The following UBE3A variants were observed in gnomAD, a reference collection of about 807,000 sequenced individuals.
The protein encoded by UBE3A is ubiquitin protein ligase E3A, also known as ubiquitin-protein ligase E3A.
A neutral mutation model predicts 83.4 loss-of-function variants in UBE3A; 6 were observed. That is an observed-to-expected ratio of 0.07 (90% CI 0.04 to 0.14). The LOEUF is 0.14. Ranked by LOEUF, UBE3A falls within the 10% of genes least tolerant of loss-of-function variation. UBE3A has a pLI of 1.00. For synonymous variants in UBE3A, 337 were observed against 355.4 expected (o/e 0.95, Z 0.58); for missense variants, 456 against 1,036.1 (o/e 0.44, Z 7.69).
intron 6 of UBE3A, among the ~76,000 whole-genome samples, chr15:25,367,834 C>CT (rs953646952): frequency 4.0e-5 from 6 of 151,468 alleles, no homozygotes; most frequent in Non-Finnish European, 8.9e-5. Flanking sequence ...ATATATTTTT[C>CT]TTTTTTAAAA....
chr15:25,425,448 C>A (rs1344553859), intron 1 of UBE3A, among the ~76,000 whole-genome samples: 2 of 152,048 alleles, frequency 1.3e-5, no homozygotes, highest in Admixed American at 6.6e-5. Context: ...TGTGAATTAT[C>A]TCAATAAAGC....
intron 2 of UBE3A, 33 bp from the exon 3 acceptor site, chr15:25,409,240 C>T (rs1337439754): frequency 1.4e-6 from 1 of 733,260 alleles, no homozygotes. Context: ...GGTTAGAACA[C>T]TTTAATATAT....
chr15:25,411,399 G>A (rs1358572704), intron 2 of UBE3A, among the ~76,000 whole-genome samples: 2 of 152,166 alleles, frequency 1.3e-5, no homozygotes, highest in African/African-American at 4.8e-5. Flanking sequence ...AGACTAGCCT[G>A]GCCAACACGG....
chr15:25,362,979 C>T (rs2078371351), intron 6 of UBE3A, among the ~76,000 whole-genome samples: 1 of 152,146 alleles, frequency 6.6e-6, no homozygotes, highest in South Asian at 2.1e-4. Flanking sequence ...AGAGCTGACT[C>T]CTTATCAATG....
chr15:25,349,157 A>AAT (rs1410506027), intron 11 of UBE3A, among the ~76,000 whole-genome samples: 3 of 152,214 alleles, frequency 2.0e-5, no homozygotes, highest in African/African-American at 7.2e-5. Flanking sequence ...GTGCAAAGGC[A>AAT]ATTCAATGGG....
intron 7 of UBE3A, among the ~76,000 whole-genome samples, chr15:25,360,089 ATCCC>A (rs2152727704): frequency 6.6e-6 from 1 of 152,316 alleles, no homozygotes; most frequent in Admixed American, 6.5e-5. Context: ...AAGCAAAGAA[ATCCC>A]TCCAACTGTT....
chr15:25,354,137 C>A (rs2152680263), intron 11 of UBE3A: 1 of 598,094 alleles, frequency 1.7e-6, no homozygotes, highest in Non-Finnish European at 3.0e-6. Flanking sequence ...CAGGAGATTA[C>A]ATGAGACTTA....
intron 4 of UBE3A, among the ~76,000 whole-genome samples, chr15:25,389,810 C>A (rs1021075379): frequency 1.3e-5 from 2 of 152,126 alleles, no homozygotes; most frequent in African/African-American, 2.4e-5. Context: ...ATCACTTGAA[C>A]CCAGGTGGCA....
At chr15:25,340,668 T>C (rs2074589484) in intron 11 of UBE3A, among the ~76,000 whole-genome samples, 1 of 152,112 alleles carries the variant, frequency 6.6e-6, no homozygotes, top group African/African-American at 2.4e-5. Flanking sequence ...GGTCTACTCA[T>C]CCTTTAACTC....
rs1017415721 is a variant in UBE3A at position 25,337,783 on chromosome 15, A to C, written c.*1354T>G. The C allele has an allele frequency of 1.3e-5, 2 of 152,174 alleles. No homozygotes were observed. Among genetic ancestry groups the C allele is most frequent in the Non-Finnish European group, 2.9e-5 (2 of 68,016 alleles). 9.4% of individuals were successfully genotyped at this position (152,174 alleles called of 1,614,324 possible). A position where few individuals can be genotyped will look rare whatever the true frequency, so the allele number is the denominator to read the frequency against. Reference sequence around the variant, plus strand: ...AATGTCTCACCTTAGTTAAAAATACATAATCCTTTTATTTTATAATGCAAT... The same window carrying C: ...AATGTCTCACCTTAGTTAAAAATACCTAATCCTTTTATTTTATAATGCAAT... On this transcript the variant is annotated 3_prime_UTR_variant, in exon 13 of 13. Transcript: ENST00000648336.
At chr15:25,408,681 C>A in intron 3 of UBE3A, 1 of 1,612,066 alleles carries the variant, frequency 6.2e-7, no homozygotes. Flanking sequence ...TCCACTGTAA[C>A]TCTCTAGGAG....
rs1341061203 is a variant in UBE3A at position 25,371,313 on chromosome 15, T to C, written c.861A>G (p.Val287=). ...GACTGTGGAGATTTCTATTCTCCAT[T>C]ACGATAATGAACAAATTCAGATAAT... ...DPNYLNLFII[V]MENRNLHSPE... Residue 287 remains valine (V), a synonymous_variant, in exon 6 of 13, where the codon GTA becomes GTG. Transcript: ENST00000648336. This position sits in a 1 kb window ranked among gnomAD's most constrained non-coding sequence, Gnocchi z 5.3. 3.7e-6 allele frequency: 6 copies of C among 1,614,034 alleles called. No homozygotes were observed. Among genetic ancestry groups the C allele is most frequent in the Non-Finnish European group, 3.4e-6 (4 of 1,180,014 alleles).
At chr15:25,339,998 CAG>C in intron 12 of UBE3A, 85 bp downstream of exon 12, 1 of 1,541,064 alleles carries the variant, frequency 6.5e-7, no homozygotes. Context: ...CGAATGTGCT[CAG>C]AAACTATAAA....
At position 25,415,780 on chromosome 15, in the gene UBE3A, C is replaced by T. The variant is rs552870064; in HGVS notation, c.-164-3809G>A. 5 of 148,478 alleles carry T rather than the reference C, an allele frequency of 3.4e-5. No homozygotes were observed. The South Asian group carries it at 1.1e-3, about 31-fold the overall frequency. The allele number at this position is 148,478 out of a possible 1,614,324, so 9.2% of individuals were successfully genotyped here. A position where few individuals can be genotyped will look rare whatever the true frequency, so the allele number is the denominator to read the frequency against. On this transcript the variant is annotated intron_variant, in intron 1 of 12. Transcript: ENST00000648336. ...TAAGCTGATTGATGGTAGGGATCAT[C>T]TCTTCCATATTTTACTTTTCGTAAT...
chr15:25,371,472 A>C lies in UBE3A; in HGVS notation c.702T>G (p.Asp234Glu). 6.2e-7 allele frequency: 1 copy of C among 1,614,080 alleles called. No homozygotes were observed. The highest frequency in any genetic ancestry group is 8.5e-7 in the Non-Finnish European group (1 of 1,180,024). ...LGPDDVSVDI[D>E]AIRRVYTRLL... ...ATCTGGTGTAGACCCTTCTAATGGC[A>C]TCAATATCCACAGACACATCATCAG... The change falls in exon 6 of 13, where the codon GAT (aspartate) becomes GAG (glutamate). Residue 234 changes from aspartate (D) to glutamate (E), a missense_variant. Around this residue, in one of 13 missense-constraint regions of UBE3A, gnomAD observed 40 missense variants for 124.8 expected, o/e 0.32. Coordinates refer to ENST00000648336, the MANE Select transcript of UBE3A (RefSeq NM_130839.5). This position sits in a 1 kb window ranked among gnomAD's most constrained non-coding sequence, Gnocchi z 5.3.
intron 11 of UBE3A, among the ~76,000 whole-genome samples, chr15:25,350,790 G>A (rs1030063961): frequency 6.6e-6 from 1 of 152,146 alleles, no homozygotes; most frequent in African/African-American, 2.4e-5. Context: ...TAACATGGAT[G>A]AATCTAAAGA....
intron 1 of UBE3A, among the ~76,000 whole-genome samples, chr15:25,431,993 A>C (rs1272760542): frequency 6.6e-6 from 1 of 152,194 alleles, no homozygotes. Context: ...TATATAGAAA[A>C]CACTGCTGTG....
chr15:25,422,213 T>C (rs1018754386), intron 1 of UBE3A, among the ~76,000 whole-genome samples: 3 of 152,140 alleles, frequency 2.0e-5, no homozygotes, highest in Non-Finnish European at 4.4e-5. Flanking sequence ...TCCATGGATA[T>C]GCAATTCTAG....
intron 11 of UBE3A, among the ~76,000 whole-genome samples, chr15:25,349,654 T>C (rs1239863729): frequency 2.0e-5 from 3 of 152,224 alleles, no homozygotes; most frequent in African/African-American, 7.2e-5. Context: ...AATACTCATT[T>C]TTACCATAGA....
Sources: gnomAD v4.1 joint callset for allele counts (sites outside exome capture counted in the v4.1 genomes callset) on GRCh38, gnomAD v4.1.1 for gene constraint, gnomAD v4.1.1 regional missense constraint, Gnocchi (gnomAD v3.1) non-coding constraint, MANE v1.5 for transcripts, NCBI Gene and HGNC (gene_info 2026-07-23, HGNC 2026-07-21) for gene names.